Variants in PCDHGA3 observed in about 807,000 individuals in gnomAD.
PCDHGA3 encodes protocadherin gamma-A3.
Under a neutral mutation model 58.5 loss-of-function variants are expected in PCDHGA3, and 40 were observed. That is an observed-to-expected ratio of 0.68 (90% CI 0.53 to 0.89). The LOEUF is 0.89. Ranked by LOEUF, PCDHGA3 falls within the 40% of genes least tolerant of loss-of-function variation. PCDHGA3 has a pLI of 0.00. For missense variants in PCDHGA3, 1,223 were observed against 1,195.9 expected, an observed-to-expected ratio of 1.02 and a Z score of -0.33; for synonymous variants, 530 against 525.7, an observed-to-expected ratio of 1.01 and a Z score of -0.11.
intron 1 of PCDHGA3, chr5:141,376,159 C>A: frequency 1.9e-6 from 3 of 1,614,084 alleles, no homozygotes; most frequent in Non-Finnish European, 2.5e-6. Context: ...TCACTCTGTA[C>A]CTGGTGGTGG....
At chr5:141,488,438 C>T (rs2099675393) in intron 1 of PCDHGA3, among the ~76,000 whole-genome samples, 1 of 152,146 alleles carries the variant, frequency 6.6e-6, no homozygotes, top group African/African-American at 2.4e-5. Flanking sequence ...CTCTGACCAC[C>T]CTCCTGGGTG....
At chr5:141,361,189 G>A in intron 1 of PCDHGA3, 3 of 1,613,964 alleles carry the variant, frequency 1.9e-6, no homozygotes, top group Non-Finnish European at 1.7e-6. Context: ...TGTGACTTCA[G>A]TATCTACTCC....
intron 1 of PCDHGA3, chr5:141,394,749 G>C (rs1270810324): frequency 1.2e-6 from 2 of 1,613,424 alleles, no homozygotes; most frequent in Admixed American, 1.7e-5. Context: ...CGTGGTGGCC[G>C]TCCAGGACCA....
chr5:141,364,872 A>G (rs760519562), intron 1 of PCDHGA3: 6 of 1,613,890 alleles, frequency 3.7e-6, no homozygotes, highest in Non-Finnish European at 5.1e-6. Context: ...TTCTCTCTGG[A>G]TGTGGTAAGC....
intron 1 of PCDHGA3, chr5:141,352,611 T>C: frequency 6.2e-7 from 1 of 1,613,484 alleles, no homozygotes; most frequent in Non-Finnish European, 8.5e-7. Context: ...CCTTCTATGG[T>C]TGTATGTGCC....
Position 141,476,993 on chromosome 5 carries a change from C to A in PCDHGA3, c.2425-17814C>A. 6.2e-7 allele frequency: 1 copy of A among 1,614,244 alleles called. No individual in the cohort carries two copies. Among genetic ancestry groups the A allele is most frequent in the South Asian group, 1.1e-5 (1 of 91,086 alleles). Reference sequence around the variant, plus strand: ...CAGCCACAACCGCGCCGGCGTGCGGCAACTATTCGCCTTAGACCTTGTAAC... The same window carrying A: ...CAGCCACAACCGCGCCGGCGTGCGGAAACTATTCGCCTTAGACCTTGTAAC... On this transcript the variant is annotated intron_variant, in intron 1 of 3. Coordinates refer to ENST00000253812, the MANE Select transcript of PCDHGA3 (RefSeq NM_018916.4). This position sits in a 1 kb window ranked among gnomAD's most constrained non-coding sequence, Gnocchi z 7.6.
chr5:141,419,402 T>G (rs2096376244), intron 1 of PCDHGA3: 1 of 1,613,378 alleles, frequency 6.2e-7, no homozygotes, highest in African/African-American at 1.3e-5. Flanking sequence ...CGGGGTGGTG[T>G]TCGCGCAGCG....
In PCDHGA3 at chr5:141,476,343, T is replaced by A; in HGVS notation, c.2425-18464T>A. 1 of 1,614,012 alleles carries A rather than the reference T, an allele frequency of 6.2e-7. No individual in the cohort carries two copies. The highest frequency in any genetic ancestry group is 1.3e-5 in the African/African-American group (1 of 74,984). ...GTGGTGTCTGGAGCTAGCCGAAGAT[T>A]CTTTGAGGTGAACCGGGAGACCGGA... On this transcript the variant is annotated intron_variant, in intron 1 of 3. Transcript: ENST00000253812. This position sits in a 1 kb window ranked among gnomAD's most constrained non-coding sequence, Gnocchi z 7.6.
Position 141,431,690 on chromosome 5 carries a change from G to A in PCDHGA3, c.2425-63117G>A. 1.2e-6 allele frequency: 2 copies of A among 1,614,234 alleles called. No individual in the cohort carries two copies. Among genetic ancestry groups the A allele is most frequent in the Non-Finnish European group, 8.5e-7 (1 of 1,180,040 alleles). On this transcript the variant is annotated intron_variant, in intron 1 of 3. Coordinates refer to ENST00000253812, the MANE Select transcript of PCDHGA3 (RefSeq NM_018916.4). The surrounding 1 kb of genome is among the most constrained non-coding windows in gnomAD (Gnocchi z 4.8). ...AACAATAGGGGAGTTGGACCACGAG[G>A]AGTCAGGATTCTACCAGATGGAAGT... is the stretch of plus-strand genomic sequence containing the variant.
At chr5:141,428,099 C>G (rs1304120001) in intron 1 of PCDHGA3, 4 of 1,608,710 alleles carry the variant, frequency 2.5e-6, no homozygotes, top group Non-Finnish European at 2.5e-6. Flanking sequence ...TGTCCTACCA[C>G]GTGCTGCAGG....
At chr5:141,459,723 T>G (rs1024452676) in intron 1 of PCDHGA3, among the ~76,000 whole-genome samples, 3 of 152,254 alleles carry the variant, frequency 2.0e-5, no homozygotes, top group African/African-American at 7.2e-5. Context: ...ATGCTTCCTA[T>G]TGTCAATTTT....
chr5:141,441,937 C>T, intron 1 of PCDHGA3: 1 of 344,792 alleles, frequency 2.9e-6, no homozygotes, highest in Non-Finnish European at 5.6e-6. Context: ...GCTGTCCTAC[C>T]ACGTGCTGCA....
At chr5:141,351,169 G>A (rs377610977) in intron 1 of PCDHGA3, 24 of 1,613,902 alleles carry the variant, frequency 1.5e-5, no homozygotes, top group South Asian at 2.2e-5. Context: ...ATGGCACATT[G>A]GATTTTGAAG....
chr5:141,496,511 C>T (rs1161285563), intron 2 of PCDHGA3, among the ~76,000 whole-genome samples: 1 of 152,182 alleles, frequency 6.6e-6, no homozygotes, highest in Non-Finnish European at 1.5e-5. Flanking sequence ...CACAAGGACC[C>T]AGGAGCCCTT....
intron 1 of PCDHGA3, chr5:141,478,664 C>T (rs2099470287): frequency 1.3e-6 from 2 of 1,551,788 alleles, no homozygotes; most frequent in Non-Finnish European, 1.7e-6. Context: ...GATGCATTCA[C>T]ACTTTCAACT....
intron 1 of PCDHGA3, chr5:141,418,002 G>A: frequency 1.9e-6 from 3 of 1,613,916 alleles, no homozygotes; most frequent in Non-Finnish European, 2.5e-6. Flanking sequence ...TCGGTGGTGG[G>A]GAACCTCGCT....
At position 141,476,946 on chromosome 5, in the gene PCDHGA3, G is replaced by A; in HGVS notation, c.2425-17861G>A. ...ACGGATCTGGATGAAGGCCCCAACG[G>A]TGAAATTATTTACTCCTTCGGCAGC... On this transcript the variant is annotated intron_variant, in intron 1 of 3. Transcript: ENST00000253812. The surrounding 1 kb of genome is among the most constrained non-coding windows in gnomAD (Gnocchi z 7.6). The A allele has an allele frequency of 6.2e-7, 1 of 1,614,206 alleles. No individual in the cohort carries two copies. Among genetic ancestry groups the A allele is most frequent in the Non-Finnish European group, 8.5e-7 (1 of 1,180,044 alleles).
chr5:141,490,612 C>G lies in PCDHGA3; in HGVS notation c.2425-4195C>G, dbSNP rs1393568166. ...CAATGCACCCCGCTTCAACCAGCAG[C>G]TTTACACTGCTTACATCCTAGAAAA... On this transcript the variant is annotated intron_variant, in intron 1 of 3. Coordinates refer to ENST00000253812, the MANE Select transcript of PCDHGA3 (RefSeq NM_018916.4). This position sits in a 1 kb window ranked among gnomAD's most constrained non-coding sequence, Gnocchi z 5.4. The G allele has an allele frequency of 6.2e-7, 1 of 1,614,082 alleles. No homozygotes were observed. Among genetic ancestry groups the G allele is most frequent in the Non-Finnish European group, 8.5e-7 (1 of 1,180,032 alleles).
chr5:141,491,152 G>A lies in PCDHGA3; in HGVS notation c.2425-3655G>A. 1 of 1,614,168 alleles carries A rather than the reference G, an allele frequency of 6.2e-7. No homozygotes were observed. The highest frequency in any genetic ancestry group is 8.5e-7 in the Non-Finnish European group (1 of 1,179,990). On this transcript the variant is annotated intron_variant, in intron 1 of 3. Transcript: ENST00000253812. The surrounding 1 kb of genome is among the most constrained non-coding windows in gnomAD (Gnocchi z 6.9). ...CACAGCCCGGGCCTTACTGGAGGAT[G>A]ACTCTGACACCCAGCAGGTGGTGGT...
Sources: allele counts gnomAD v4.1 joint callset (sites outside exome capture counted in the v4.1 genomes callset), GRCh38; gene constraint gnomAD v4.1.1; non-coding constraint Gnocchi (gnomAD v3.1); transcripts MANE v1.5; gene names NCBI Gene and HGNC (gene_info 2026-07-23, HGNC 2026-07-21).